Variants in MSH3 observed in about 807,000 individuals in gnomAD.
The protein encoded by MSH3 is mutS homolog 3, also known as DNA mismatch repair protein Msh3.
A neutral mutation model predicts 123.3 loss-of-function variants in MSH3; 106 were observed. That is an observed-to-expected ratio of 0.86 (90% CI 0.73 to 1.01). MSH3 has a LOEUF of 1.01. Ranked by LOEUF, MSH3 falls within the 50% of genes least tolerant of loss-of-function variation. The probability of loss-of-function intolerance (pLI) is 0.00; values close to 1 mark genes in which losing one functional copy is unlikely to be tolerated. For missense variants in MSH3, 1,459 were observed against 1,347.6 expected, an observed-to-expected ratio of 1.08 and a Z score of -1.29; for synonymous variants, 515 against 481.4, an observed-to-expected ratio of 1.07 and a Z score of -0.91.
At chr5:80,785,997 G>T (rs1421384333) in intron 17 of MSH3, among the ~76,000 whole-genome samples, 3 of 151,320 alleles carry the variant, frequency 2.0e-5, no homozygotes, top group Middle Eastern at 3.2e-3. Flanking sequence ...GTTGTGGGGT[G>T]GGGGGAAGGG....
At chr5:80,807,478 A>G (rs1027246027) in intron 19 of MSH3, among the ~76,000 whole-genome samples, 1 of 152,236 alleles carries the variant, frequency 6.6e-6, no homozygotes, top group Non-Finnish European at 1.5e-5. Flanking sequence ...CAGAGGTCAT[A>G]GTGATGGTGG....
In MSH3 at chr5:80,798,872, A is replaced by G. The variant is rs529490796; in HGVS notation, c.2655+6028A>G. Among the ~76,000 whole-genome samples the G allele has an allele frequency of 4.8e-4, 73 of 152,266 alleles. 1 individual carries two copies. In the South Asian group the frequency reaches 0.014, roughly 30 times the overall value. ...ACTCACACTGTTCCTGCAGGACCCA[A>G]CAAAACACTGCCTCTTCCTGAGAGC... On this transcript the variant is annotated intron_variant, in intron 19 of 23. Transcript: ENST00000265081.
At chr5:80,836,784 CATTT>C (rs1287910751) in intron 20 of MSH3, among the ~76,000 whole-genome samples, 1 of 151,664 alleles carries the variant, frequency 6.6e-6, no homozygotes, top group Non-Finnish European at 1.5e-5. Context: ...TTATTTTTAA[CATTT>C]ATATTATTTT....
intron 18 of MSH3, among the ~76,000 whole-genome samples, chr5:80,788,392 G>A (rs33011): frequency 0.24 from 36,838 of 152,078 alleles, 4,628 homozygotes; most frequent in Non-Finnish European, 0.28. Flanking sequence ...AGCCAAGATC[G>A]TGCCACTGCA....
At chr5:80,714,826 C>T (rs1478207244) in intron 8 of MSH3, among the ~76,000 whole-genome samples, 1 of 152,132 alleles carries the variant, frequency 6.6e-6, no homozygotes, top group Non-Finnish European at 1.5e-5. Context: ...AACTTTATTG[C>T]AGACTTCTAA....
intron 17 of MSH3, among the ~76,000 whole-genome samples, chr5:80,780,228 T>C (rs1319210052): frequency 2.0e-5 from 3 of 152,170 alleles, no homozygotes; most frequent in Non-Finnish European, 4.4e-5. Context: ...GTGTAAACAC[T>C]CCCACCAGGG....
chr5:80,837,829 C>G (rs1745543886), intron 20 of MSH3, among the ~76,000 whole-genome samples: 1 of 152,140 alleles, frequency 6.6e-6, no homozygotes, highest in African/African-American at 2.4e-5. Flanking sequence ...AAGGTATTGG[C>G]CAGGGTGGGA....
At chr5:80,695,620 C>A (rs1281140853) in intron 8 of MSH3, among the ~76,000 whole-genome samples, 1 of 152,182 alleles carries the variant, frequency 6.6e-6, no homozygotes, top group African/African-American at 2.4e-5. Flanking sequence ...AGGTGTGAGC[C>A]ACTGTGTCCG....
At position 80,813,639 on chromosome 5, in the gene MSH3, C is replaced by A. The variant is rs1561486672; in HGVS notation, c.2711C>A (p.Ser904Tyr). Residue 904 changes from serine to tyrosine, a missense_variant, in exon 20 of 24, where the codon TCC becomes TAC. Physicochemically the swap from Ser to Tyr is moderately radical, Grantham distance 144 (BLOSUM62 -2). Coordinates refer to ENST00000265081, the MANE Select transcript of MSH3 (RefSeq NM_002439.5). ...ITGPNMGGKS[S>Y]YIKQVALITI... ...GGACCAAACATGGGTGGAAAGAGCTCCTACATAAAACAAGTTGCATTGATT... is the reference window on the plus strand; with the variant it reads ...GGACCAAACATGGGTGGAAAGAGCTACTACATAAAACAAGTTGCATTGATT... The A allele has an allele frequency of 2.5e-6, 4 of 1,614,024 alleles. No homozygotes were observed. The highest frequency in any genetic ancestry group is 3.4e-6 in the Non-Finnish European group (4 of 1,179,998).
chr5:80,764,011 A>G (rs1744084465), intron 13 of MSH3, among the ~76,000 whole-genome samples: 2 of 152,262 alleles, frequency 1.3e-5, no homozygotes. Flanking sequence ...AAGGGTGAAG[A>G]GTAGAAATGA....
chr5:80,788,373 G>T (rs543878187), intron 18 of MSH3, among the ~76,000 whole-genome samples: 1 of 152,244 alleles, frequency 6.6e-6, no homozygotes, highest in African/African-American at 2.4e-5. Context: ...GGAGGTGGAG[G>T]TTGCAGTGAG....
chr5:80,857,904 T>TA (rs1445441094), intron 21 of MSH3, among the ~76,000 whole-genome samples: 1 of 152,124 alleles, frequency 6.6e-6, no homozygotes, highest in Non-Finnish European at 1.5e-5. Context: ...CTCTAATTTT[T>TA]ATTATCTCTT....
chr5:80,851,530 T>C (rs1220233212), intron 20 of MSH3, among the ~76,000 whole-genome samples: 1 of 152,206 alleles, frequency 6.6e-6, no homozygotes, highest in East Asian at 1.9e-4. Flanking sequence ...TGTCAGACTT[T>C]ATTTTGGGAA....
chr5:80,794,352 T>C (rs1018188335), intron 19 of MSH3, among the ~76,000 whole-genome samples: 1 of 152,114 alleles, frequency 6.6e-6, no homozygotes, highest in Admixed American at 6.6e-5. Flanking sequence ...GAAACTATGC[T>C]AGTGGGGTAA....
intron 18 of MSH3, among the ~76,000 whole-genome samples, chr5:80,791,996 A>G (rs1744614075): frequency 6.6e-6 from 1 of 152,188 alleles, no homozygotes; most frequent in Admixed American, 6.5e-5. Flanking sequence ...AGGTCAAAAA[A>G]TGATTCTTGT....
chr5:80,857,756 T>G (rs559392179), intron 21 of MSH3, among the ~76,000 whole-genome samples: 3 of 152,222 alleles, frequency 2.0e-5, no homozygotes, highest in Admixed American at 2.0e-4. Flanking sequence ...ATTTCTGATA[T>G]TAGCCATTTG....
intron 19 of MSH3, among the ~76,000 whole-genome samples, chr5:80,807,993 T>G (rs533659526): frequency 4.7e-4 from 72 of 152,346 alleles, no homozygotes; most frequent in African/African-American, 1.7e-3. Flanking sequence ...TTTGAGGACC[T>G]GCTGTATTTT....
chr5:80,682,367 A>C lies in MSH3; in HGVS notation c.1340+3274A>C, dbSNP rs144091583. 5.6e-3 allele frequency among the ~76,000 whole-genome samples: 860 copies of C among 152,278 alleles called. 5 individuals carry two copies. The highest frequency in any genetic ancestry group is 6.7e-3 in the Non-Finnish European group (453 of 68,022). ...AAGTTAATATAGGTAAAGCGCCTGA[A>C]ATAGTACCTGCTGTAGAAGGCTCTC... On this transcript the variant is annotated intron_variant, in intron 8 of 23. Coordinates refer to ENST00000265081, the MANE Select transcript of MSH3 (RefSeq NM_002439.5).
chr5:80,767,217 G>A lies in MSH3; in HGVS notation c.1897-716G>A, dbSNP rs200494425. Among the ~76,000 whole-genome samples, 3 of 68,054 alleles carry A rather than the reference G, an allele frequency of 4.4e-5. No homozygotes were observed. In the Admixed American group the frequency reaches 4.6e-4, roughly 10 times the overall value. The allele number at this position is 68,054 out of a possible 152,430, so 44.6% of individuals were successfully genotyped here. A position where few individuals can be genotyped will look rare whatever the true frequency, so the allele number is the denominator to read the frequency against. On this transcript the variant is annotated intron_variant, in intron 13 of 23. Transcript: ENST00000265081. ...CAGACACACATATTTTTCACTATTT[G>A]TTAGTCTATTTTTAGATAAATTATT...
Sources: gnomAD v4.1 joint callset for allele counts (sites outside exome capture counted in the v4.1 genomes callset) on GRCh38, gnomAD v4.1.1 for gene constraint, MANE v1.5 for transcripts, NCBI Gene and HGNC (gene_info 2026-07-23, HGNC 2026-07-21) for gene names.